The following DOCK8 variants were observed in gnomAD, a reference collection of about 807,000 sequenced individuals.
DOCK8 encodes the protein dedicator of cytokinesis protein 8.
A neutral mutation model predicts 245.6 loss-of-function variants in DOCK8; 141 were observed. The ratio of observed to expected loss-of-function variants is 0.57; its 90% CI spans 0.50 to 0.66. The LOEUF is 0.66. Ranked by LOEUF, DOCK8 falls within the 30% of genes least tolerant of loss-of-function variation. The probability of loss-of-function intolerance (pLI) is 0.00; values close to 1 mark genes in which losing one functional copy is unlikely to be tolerated. For missense variants in DOCK8, 2,965 were observed against 2,603.4 expected, an observed-to-expected ratio of 1.14 and a Z score of -3.02; for synonymous variants, 1,168 against 970.2, an observed-to-expected ratio of 1.20 and a Z score of -3.79.
intron 27 of DOCK8, among the ~76,000 whole-genome samples, chr9:405,487 A>G (rs1000928646): frequency 6.6e-6 from 1 of 152,184 alleles, no homozygotes; most frequent in African/African-American, 2.4e-5. Context: ...TAACTTGTTC[A>G]TGTCAATTGC....
chr9:459,401 T>C (rs1315490141), intron 46 of DOCK8, among the ~76,000 whole-genome samples: 1 of 152,226 alleles, frequency 6.6e-6, no homozygotes, highest in African/African-American at 2.4e-5. Context: ...ATCTAAGTTT[T>C]TTACTCCAGC....
At chr9:265,869 A>G (rs566770046) in intron 1 of DOCK8, among the ~76,000 whole-genome samples, 52 of 152,266 alleles carry the variant, frequency 3.4e-4, no homozygotes, top group South Asian at 4.1e-4. Flanking sequence ...GTTTACATAT[A>G]ATGAAACTAA....
At chr9:386,758 C>T (rs1015174932) in intron 23 of DOCK8, among the ~76,000 whole-genome samples, 2 of 152,206 alleles carry the variant, frequency 1.3e-5, no homozygotes, top group African/African-American at 4.8e-5. Flanking sequence ...AACAAGTTCC[C>T]AGCTGATGCT....
At chr9:440,837 C>T (rs1432417984) in intron 40 of DOCK8, among the ~76,000 whole-genome samples, 2 of 152,204 alleles carry the variant, frequency 1.3e-5, no homozygotes, top group Non-Finnish European at 1.5e-5. Flanking sequence ...CTCCTGGGCT[C>T]AGCCTCCCAC....
In DOCK8 at chr9:372,460, G is replaced by T. The variant is rs532738860; in HGVS notation, c.2109+174G>T. Among the ~76,000 whole-genome samples, 5 of 152,276 alleles carry T rather than the reference G, an allele frequency of 3.3e-5. No individual in the cohort carries two copies. The South Asian group carries it at 1.0e-3, about 32-fold the overall frequency. On this transcript the variant is annotated intron_variant, in intron 18 of 47. Transcript: ENST00000432829. ...ACTGTGAAACCTCATTCTTTTAAAT[G>T]CCACCAAATCAGAATGTTCAGTAGA...
intron 39 of DOCK8, among the ~76,000 whole-genome samples, chr9:435,552 T>C (rs563091997): frequency 6.6e-6 from 1 of 152,202 alleles, no homozygotes; most frequent in African/African-American, 2.4e-5. Context: ...GATAAATGAT[T>C]TTCCTCCTGG....
rs1334324693 is a variant in DOCK8 at position 365,768 on chromosome 9, T to C, written c.1680-2250T>C. On this transcript the variant is annotated intron_variant, in intron 14 of 47. Transcript: ENST00000432829. Reference sequence around the variant, plus strand: ...CAGAGAGAACACCCTCAATCCCGCTTAACAGACATTAGCTCTGCTTATTTG... The same window carrying C: ...CAGAGAGAACACCCTCAATCCCGCTCAACAGACATTAGCTCTGCTTATTTG... 1.2e-5 allele frequency: 5 copies of C among 409,510 alleles called. No individual in the cohort carries two copies. In the East Asian group the frequency reaches 2.8e-4, roughly 23 times the overall value. The allele number at this position is 409,510 out of a possible 1,614,324, so 25.4% of individuals were successfully genotyped here.
chr9:428,356 C>T lies in DOCK8; in HGVS notation c.4339-6C>T. The T allele has an allele frequency of 1.2e-6, 2 of 1,614,044 alleles. No homozygotes were observed. The highest frequency in any genetic ancestry group is 2.2e-5 in the East Asian group (1 of 44,866). On this transcript the variant is annotated splice_region_variant and splice_polypyrimidine_tract_variant and intron_variant, in intron 34 of 47. Coordinates refer to ENST00000432829, the MANE Select transcript of DOCK8 (RefSeq NM_203447.4). The stretch of plus-strand genomic sequence containing the variant: ...ATTCAATGATGCTGTTCTTCCATTC[C>T]CCCAGGCGAGCTCGGCTCTGGACTG...
chr9:358,682 C>G lies in DOCK8; in HGVS notation c.1680-9336C>G, dbSNP rs372506455. Among the ~76,000 whole-genome samples, 378 of 151,854 alleles carry G rather than the reference C, an allele frequency of 2.5e-3. 5 individuals are homozygous for G. The highest frequency in any genetic ancestry group is 8.6e-3 in the African/African-American group (358 of 41,414). ...TGGCCAACATGGTGAAACCCTGTCT[C>G]TACTAAAAATACAAAAATTAGCCAG... is the stretch of plus-strand genomic sequence containing the variant. On this transcript the variant is annotated intron_variant, in intron 14 of 47. Transcript: ENST00000432829.
chr9:231,259 G>A (rs202228193), intron 1 of DOCK8, among the ~76,000 whole-genome samples: 4 of 151,966 alleles, frequency 2.6e-5, no homozygotes, highest in South Asian at 2.1e-4. Flanking sequence ...CCATTGGTCT[G>A]TATCTCTGTT....
intron 26 of DOCK8, among the ~76,000 whole-genome samples, chr9:400,784 TC>T (rs2054939464): frequency 2.7e-4 from 7 of 26,026 alleles, no homozygotes; most frequent in Non-Finnish European, 5.1e-4. Flanking sequence ...CACCACCACC[TC>T]CACCATCACC....
At chr9:359,553 G>A (rs2052619454) in intron 14 of DOCK8, among the ~76,000 whole-genome samples, 1 of 152,142 alleles carries the variant, frequency 6.6e-6, no homozygotes, top group Non-Finnish European at 1.5e-5. Context: ...CCTTGCATAA[G>A]TACCTTAAAA....
intron 26 of DOCK8, among the ~76,000 whole-genome samples, chr9:401,169 T>A (rs1376957013): frequency 5.3e-5 from 8 of 151,386 alleles, no homozygotes; most frequent in African/African-American, 2.0e-4. Flanking sequence ...TTTTTCCAAT[T>A]TTATGGGTCT....
intron 4 of DOCK8, among the ~76,000 whole-genome samples, chr9:291,417 G>A (rs1404762233): frequency 1.3e-5 from 2 of 152,122 alleles, no homozygotes; most frequent in African/African-American, 2.4e-5. Flanking sequence ...CCTTTGAATA[G>A]TGTTGGGTTT....
chr9:307,065 A>G (rs1371661091), intron 5 of DOCK8, among the ~76,000 whole-genome samples: 2 of 152,134 alleles, frequency 1.3e-5, no homozygotes, highest in Non-Finnish European at 2.9e-5. Context: ...GTCACTACGA[A>G]GGTGAGAGGA....
chr9:273,761 C>A (rs1394074317), intron 2 of DOCK8, among the ~76,000 whole-genome samples: 1 of 150,984 alleles, frequency 6.6e-6, no homozygotes, highest in Admixed American at 6.6e-5. Flanking sequence ...CATCTCGGCT[C>A]ATCGCAACCT....
intron 7 of DOCK8, among the ~76,000 whole-genome samples, chr9:318,866 T>A (rs2050461762): frequency 6.6e-6 from 1 of 152,232 alleles, no homozygotes; most frequent in Non-Finnish European, 1.5e-5. Flanking sequence ...GCAGCGACTA[T>A]GTCATTTGAG....
intron 30 of DOCK8, among the ~76,000 whole-genome samples, chr9:418,743 G>C (rs2056144889): frequency 6.6e-6 from 1 of 152,210 alleles, no homozygotes; most frequent in Non-Finnish European, 1.5e-5. Flanking sequence ...CAGTGGTGCT[G>C]AGTTCAAGTT....
At chr9:214,802 G>T, upstream of DOCK8, 3 of 1,583,948 alleles carry the variant, frequency 1.9e-6, no homozygotes, top group Non-Finnish European at 2.6e-6. Context: ...CTCCGAGCTC[G>T]GACCCTCCCC....
Sources: gnomAD v4.1 joint callset for allele counts (sites outside exome capture counted in the v4.1 genomes callset) on GRCh38, gnomAD v4.1.1 for gene constraint, MANE v1.5 for transcripts, NCBI Gene and HGNC (gene_info 2026-07-23, HGNC 2026-07-21) for gene names.